TDRP: variants seen among roughly 807,000 people sequenced by gnomAD.
TDRP encodes testis development-related protein.
In TDRP, 12 loss-of-function variants were observed where a neutral mutation model predicts 10.5. The observed-to-expected ratio is 1.15, with a 90% CI of 0.73 to 1.86. The LOEUF (loss-of-function observed/expected upper bound fraction) is 1.86. Ranked by LOEUF, TDRP falls within the 40% of genes most tolerant of loss-of-function variation. TDRP has a pLI of 0.00. For synonymous variants in TDRP, 139 were observed against 95.4 expected (o/e 1.46, Z -2.67); for missense variants, 353 against 229.2 (o/e 1.54, Z -3.49).
At chr8:510,649 C>A (rs1431262826) in intron 1 of TDRP, among the ~76,000 whole-genome samples, 1 of 152,130 alleles carries the variant, frequency 6.6e-6, no homozygotes, top group Non-Finnish European at 1.5e-5. Flanking sequence ...GACCATCTTT[C>A]AAAAATGAAG....
intron 1 of TDRP, among the ~76,000 whole-genome samples, chr8:500,449 G>T (rs551143267): frequency 6.6e-6 from 1 of 152,268 alleles, no homozygotes; most frequent in African/African-American, 2.4e-5. Context: ...TGGCAACCCT[G>T]AAGGCCTTGT....
At chr8:507,237 G>A (rs192150754) in intron 1 of TDRP, among the ~76,000 whole-genome samples, 2 of 152,126 alleles carry the variant, frequency 1.3e-5, no homozygotes, top group Admixed American at 1.3e-4. Flanking sequence ...CAACACATGG[G>A]GATTGCAATT....
intron 1 of TDRP, among the ~76,000 whole-genome samples, chr8:516,402 C>T (rs562667462): frequency 6.6e-6 from 1 of 152,296 alleles, no homozygotes; most frequent in South Asian, 2.1e-4. Flanking sequence ...ATACAAGGAA[C>T]TCTTAAAACC....
chr8:514,023 A>C (rs985470243), intron 1 of TDRP, among the ~76,000 whole-genome samples: 1 of 151,400 alleles, frequency 6.6e-6, no homozygotes, highest in Non-Finnish European at 1.5e-5. Flanking sequence ...AATACTCCCC[A>C]AACTGATCTA....
rs547405291 is a variant in TDRP at position 494,548 on chromosome 8, T to C, written c.158A>G (p.Asn53Ser). 4 of 1,614,008 alleles carry C rather than the reference T, an allele frequency of 2.5e-6. No homozygotes were observed. In the South Asian group the frequency reaches 4.4e-5, roughly 18 times the overall value. Residue 53 changes from asparagine (N) to serine (S), a missense_variant, in exon 2 of 3, where the codon AAC becomes AGC. Asn to Ser is a conservative substitution (Grantham distance 46). Transcript: ENST00000324079. ...CAGGAGATGCTGCTCATCATCTTTG[T>C]TAAACAGTGAAGTCACTTCTTTCCA... ...RGWKEVTSLFNKDDEQHLLER... is the reference protein window; with the variant it reads ...RGWKEVTSLFSKDDEQHLLER...
At chr8:515,537 G>A (rs1169624522) in intron 1 of TDRP, among the ~76,000 whole-genome samples, 1 of 152,126 alleles carries the variant, frequency 6.6e-6, no homozygotes, top group Admixed American at 6.5e-5. Flanking sequence ...CATCATGTCA[G>A]CATTCAAAAA....
chr8:516,692 C>G (rs1229916345), intron 1 of TDRP, among the ~76,000 whole-genome samples: 1 of 152,168 alleles, frequency 6.6e-6, no homozygotes, highest in Non-Finnish European at 1.5e-5. Context: ...GACAGTTTGG[C>G]AGTTTCTTAT....
At chr8:519,458 C>G (rs1381887858) in intron 1 of TDRP, among the ~76,000 whole-genome samples, 2 of 152,112 alleles carry the variant, frequency 1.3e-5, no homozygotes, top group Non-Finnish European at 2.9e-5. Context: ...ACTCTACCAT[C>G]TTAACTACCT....
At chr8:522,078 GAA>G (rs1801919673) in intron 1 of TDRP, among the ~76,000 whole-genome samples, 1 of 152,142 alleles carries the variant, frequency 6.6e-6, no homozygotes, top group Non-Finnish European at 1.5e-5. Flanking sequence ...CAACCTTGCT[GAA>G]TTTGTTCATG....
At chr8:524,424 G>A (rs1801984444) in intron 1 of TDRP, among the ~76,000 whole-genome samples, 2 of 151,966 alleles carry the variant, frequency 1.3e-5, no homozygotes, top group Admixed American at 1.3e-4. Flanking sequence ...GATCATCCAG[G>A]AAAACATAAC....
chr8:540,294 C>A (rs1300749813), intron 1 of TDRP, among the ~76,000 whole-genome samples: 1 of 152,146 alleles, frequency 6.6e-6, no homozygotes, highest in Non-Finnish European at 1.5e-5. Flanking sequence ...ACTAGCAGTA[C>A]TGAAACGGGA....
intron 1 of TDRP, among the ~76,000 whole-genome samples, chr8:514,554 T>A (rs137939708): frequency 3.9e-5 from 6 of 152,242 alleles, no homozygotes; most frequent in Admixed American, 3.3e-4. Flanking sequence ...GCCAAGTCTG[T>A]TGACCTCAGA....
Position 494,601 on chromosome 8 carries a change from A to C in TDRP, c.109-4T>G, listed in dbSNP as rs763969741. ...CTCGGAAACTTGCTCCCTGAACCTA[A>C]TAAAAGGTTAAGAAAAATGTCAAAT... On this transcript the variant is annotated splice_polypyrimidine_tract_variant and splice_region_variant and intron_variant, in intron 1 of 2. Coordinates refer to ENST00000324079, the MANE Select transcript of TDRP (RefSeq NM_001384899.1). The C allele has an allele frequency of 1.8e-5, 29 of 1,612,680 alleles. No homozygotes were observed. Among genetic ancestry groups the C allele is most frequent in the Non-Finnish European group, 2.2e-5 (26 of 1,179,098 alleles).
chr8:530,351 T>C (rs1802157595), intron 1 of TDRP, among the ~76,000 whole-genome samples: 1 of 152,222 alleles, frequency 6.6e-6, no homozygotes, highest in South Asian at 2.1e-4. Flanking sequence ...TCTGTTTCTC[T>C]AGGGTCAAAT....
intron 1 of TDRP, among the ~76,000 whole-genome samples, chr8:521,368 G>C (rs1801900818): frequency 6.6e-6 from 1 of 151,702 alleles, no homozygotes; most frequent in African/African-American, 2.4e-5. Flanking sequence ...AGTGAGCCGA[G>C]CTCACACCAC....
At chr8:537,198 C>A (rs1256571250) in intron 1 of TDRP, among the ~76,000 whole-genome samples, 2 of 152,228 alleles carry the variant, frequency 1.3e-5, no homozygotes, top group East Asian at 3.9e-4. Context: ...CCTGGGCTGG[C>A]TCCCTGCCTG....
chr8:529,547 T>C (rs959069309), intron 1 of TDRP, among the ~76,000 whole-genome samples: 1 of 149,678 alleles, frequency 6.7e-6, no homozygotes, highest in African/African-American at 2.5e-5. Context: ...TCTTACAAGG[T>C]AGATCTAGTG....
intron 1 of TDRP, among the ~76,000 whole-genome samples, chr8:497,329 G>A (rs1801163054): frequency 6.6e-6 from 1 of 152,200 alleles, no homozygotes; most frequent in South Asian, 2.1e-4. Context: ...CTGGAGTAAA[G>A]GTCCCTCTTG....
At chr8:516,443 G>C (rs551677039) in intron 1 of TDRP, among the ~76,000 whole-genome samples, 1 of 152,320 alleles carries the variant, frequency 6.6e-6, no homozygotes, top group South Asian at 2.1e-4. Flanking sequence ...TATAAAAAAT[G>C]AGCAAAAGAC....
Sources: allele counts gnomAD v4.1 joint callset (sites outside exome capture counted in the v4.1 genomes callset), GRCh38; gene constraint gnomAD v4.1.1; transcripts MANE v1.5; gene names NCBI Gene and HGNC (gene_info 2026-07-23, HGNC 2026-07-21).